Variants in JKAMP observed in about 807,000 individuals in gnomAD.
JKAMP encodes the protein JNK1/MAPK8-associated membrane protein.
In JKAMP, 20 loss-of-function variants were observed where a neutral mutation model predicts 40.2. The observed-to-expected ratio is 0.50, with a 90% CI of 0.35 to 0.72. JKAMP has a LOEUF of 0.72. Ranked by LOEUF, JKAMP falls within the 30% of genes least tolerant of loss-of-function variation. The pLI, the probability that JKAMP is intolerant of heterozygous loss-of-function variation, is 0.01. For synonymous variants in JKAMP, 138 were observed against 131.6 expected, an observed-to-expected ratio of 1.05 and a Z score of -0.33; for missense variants, 276 against 373.0, an observed-to-expected ratio of 0.74 and a Z score of 2.14.
chr14:59,495,183 C>T lies in JKAMP; in HGVS notation c.417C>T (p.Tyr139=), dbSNP rs778037383. ...TGCTTTACAACCCAAGTCCAGATTA[C>T]GTTACCACAGTACACTGTACTCATG... The part of the protein sequence containing the change: ...YTMLYNPSPD[Y]VTTVHCTHEA... The change falls in exon 4 of 7, where the codon TAC becomes TAT. Residue 139 remains tyrosine (Y), a synonymous_variant. Coordinates refer to ENST00000616435, the MANE Select transcript of JKAMP (RefSeq NM_016475.5). 3.8e-5 allele frequency: 61 copies of T among 1,613,414 alleles called. No homozygotes were observed. The highest frequency in any genetic ancestry group is 4.5e-5 in the Non-Finnish European group (53 of 1,179,504).
intron 6 of JKAMP, among the ~76,000 whole-genome samples, chr14:59,502,411 C>T (rs1891949119): frequency 6.6e-6 from 1 of 152,146 alleles, no homozygotes; most frequent in Admixed American, 6.6e-5. Context: ...AGAGAAAACT[C>T]AACCAAGAGA....
At chr14:59,498,143 G>C (rs973882869) in intron 4 of JKAMP, among the ~76,000 whole-genome samples, 6 of 152,030 alleles carry the variant, frequency 3.9e-5, no homozygotes. Flanking sequence ...AGATGATTCT[G>C]CTACAAATTT....
chr14:59,488,019 C>T (rs1890711892), intron 3 of JKAMP, among the ~76,000 whole-genome samples, 191 bp downstream of exon 3: 1 of 152,180 alleles, frequency 6.6e-6, no homozygotes, highest in African/African-American at 2.4e-5. Flanking sequence ...TTTAAGGGAA[C>T]TGTCCTTAGT....
chr14:59,500,055 C>G (rs1760600554), intron 5 of JKAMP, among the ~76,000 whole-genome samples: 1 of 152,088 alleles, frequency 6.6e-6, no homozygotes, highest in African/African-American at 2.4e-5. Flanking sequence ...CTCTTTATTC[C>G]TTTTTACTGT....
chr14:59,489,425 A>T (rs968852938), intron 3 of JKAMP, among the ~76,000 whole-genome samples: 3 of 152,212 alleles, frequency 2.0e-5, no homozygotes, highest in Non-Finnish European at 2.9e-5. Context: ...ACAGTTCCTG[A>T]TAACTTCCTT....
chr14:59,500,618 TA>T (rs1283048252), intron 5 of JKAMP, among the ~76,000 whole-genome samples: 1 of 152,220 alleles, frequency 6.6e-6, no homozygotes, highest in Non-Finnish European at 1.5e-5. Context: ...GTTACTCTTA[TA>T]GATAACCTTT....
chr14:59,492,151 T>A (rs917782257), intron 3 of JKAMP, among the ~76,000 whole-genome samples: 2 of 152,030 alleles, frequency 1.3e-5, no homozygotes, highest in Non-Finnish European at 1.5e-5. Context: ...AAAGTAAGGA[T>A]GTAGTCACAA....
chr14:59,493,886 C>T (rs961445339), intron 3 of JKAMP, among the ~76,000 whole-genome samples: 1 of 152,096 alleles, frequency 6.6e-6, no homozygotes, highest in African/African-American at 2.4e-5. Flanking sequence ...AGACCCAAAA[C>T]ACAGACAATT....
chr14:59,497,373 G>A (rs1205113982), intron 4 of JKAMP, among the ~76,000 whole-genome samples: 1 of 152,162 alleles, frequency 6.6e-6, no homozygotes, highest in African/African-American at 2.4e-5. Flanking sequence ...GGGGAAGAGT[G>A]GAATGGGATG....
chr14:59,494,948 G>A (rs751818327), intron 3 of JKAMP, 70 bp from the exon 4 acceptor site: 10 of 1,055,814 alleles, frequency 9.5e-6, no homozygotes, highest in Non-Finnish European at 1.4e-5. Flanking sequence ...CTTGACACAT[G>A]TACATGTTTT....
At chr14:59,493,359 T>C (rs539855221) in intron 3 of JKAMP, among the ~76,000 whole-genome samples, 3 of 152,310 alleles carry the variant, frequency 2.0e-5, no homozygotes, top group East Asian at 3.9e-4. Flanking sequence ...GTTAGTCCTT[T>C]TAAATGCTGC....
At chr14:59,486,839 A>G in intron 2 of JKAMP, 35 bp downstream of exon 2, 4 of 1,308,786 alleles carry the variant, frequency 3.1e-6, no homozygotes, top group Non-Finnish European at 4.3e-6. Flanking sequence ...TTCATTTTGT[A>G]AAATCTATTT....
chr14:59,486,731 C>T lies in JKAMP; in HGVS notation c.23C>T (p.Ala8Val). 1 of 1,591,140 alleles carries T rather than the reference C, an allele frequency of 6.3e-7. No individual in the cohort carries two copies. The highest frequency in any genetic ancestry group is 8.6e-7 in the Non-Finnish European group (1 of 1,167,162). The part of the protein sequence containing the change: MAVDIQP[A>V]CLGLYCGKTL... ...TAAAAAGCTGTCGATATTCAACCAGCATGCCTTGGACTTTATTGTGGGAAG... is the reference window on the plus strand; with the variant it reads ...TAAAAAGCTGTCGATATTCAACCAGTATGCCTTGGACTTTATTGTGGGAAG... Residue 8 changes from alanine (A) to valine (V), a missense_variant, in exon 2 of 7, where the codon GCA (alanine) becomes GTA (valine). Physicochemically the swap from Ala to Val is moderately conservative, Grantham distance 64 (BLOSUM62 0). Coordinates refer to ENST00000616435, the MANE Select transcript of JKAMP (RefSeq NM_016475.5).
chr14:59,484,789 G>A (rs547833097), intron 1 of JKAMP, 196 bp downstream of exon 1: 3 of 899,546 alleles, frequency 3.3e-6, no homozygotes, highest in South Asian at 3.5e-5. Context: ...GGCTACTAGG[G>A]GAGGCGCGCT....
intron 1 of JKAMP, chr14:59,485,052 C>T: frequency 6.3e-7 from 1 of 1,598,312 alleles, no homozygotes; most frequent in Non-Finnish European, 8.5e-7. Flanking sequence ...AAAACTTTAG[C>T]CATCGTTCGC....
Position 59,498,916 on chromosome 14 carries a change from T to G in JKAMP, c.640+8T>G. ...TTGGTGGAGGCCTTTTATGTAAGTTTGATGGGTAAAGTCAATGAAATATAT... is the reference window on the plus strand; with the variant it reads ...TTGGTGGAGGCCTTTTATGTAAGTTGGATGGGTAAAGTCAATGAAATATAT... On this transcript the variant is annotated splice_region_variant and intron_variant, in intron 5 of 6. Coordinates refer to ENST00000616435, the MANE Select transcript of JKAMP (RefSeq NM_016475.5). The G allele has an allele frequency of 6.4e-7, 1 of 1,562,798 alleles. No homozygotes were observed. The highest frequency in any genetic ancestry group is 8.7e-7 in the Non-Finnish European group (1 of 1,143,334).
intron 2 of JKAMP, chr14:59,487,435 TGTTA>T (rs1383772515): frequency 8.5e-6 from 3 of 351,758 alleles, no homozygotes; most frequent in African/African-American, 6.2e-5. Context: ...TTTCATTGAA[TGTTA>T]GTCAACTATT....
Position 59,484,745 on chromosome 14 carries a change from A to C in JKAMP, c.4+152A>C, listed in dbSNP as rs1346312453. 8.9e-5 allele frequency: 95 copies of C among 1,065,278 alleles called. 1 individual carries two copies. Among genetic ancestry groups the C allele is most frequent in the South Asian group, 1.3e-4 (9 of 68,114 alleles). 66.0% of individuals were successfully genotyped at this position (1,065,278 alleles called of 1,614,324 possible). ...CGCCCGCCCTCGGGCCGGGCTCCGC[A>C]CTCCTGCGGGGTTGGGGTGGTCTGT... On this transcript the variant is annotated intron_variant, in intron 1 of 6. Transcript: ENST00000616435.
At chr14:59,502,021 A>T (rs1891918172) in intron 6 of JKAMP, among the ~76,000 whole-genome samples, 1 of 152,178 alleles carries the variant, frequency 6.6e-6, no homozygotes, top group Non-Finnish European at 1.5e-5. Context: ...ATTGGTTAAA[A>T]CCATGAAGAA....
Sources: allele counts gnomAD v4.1 joint callset (sites outside exome capture counted in the v4.1 genomes callset), GRCh38; gene constraint gnomAD v4.1.1; transcripts MANE v1.5; gene names NCBI Gene and HGNC (gene_info 2026-07-23, HGNC 2026-07-21).